The following ADGRB3 variants were observed in gnomAD, a reference collection of about 807,000 sequenced individuals.
ADGRB3 encodes the protein adhesion G protein-coupled receptor B3.
ADGRB3 carries 37 observed loss-of-function variants against 193.4 expected under a neutral mutation model. That is an observed-to-expected ratio of 0.19 (90% CI 0.15 to 0.25). The LOEUF is 0.25. Among genes scored for constraint, ADGRB3 ranks in the 10% least tolerant of loss-of-function variants. The pLI is 1.00. For synonymous variants in ADGRB3, 690 were observed against 644.2 expected (o/e 1.07, Z -1.08); for missense variants, 1,637 against 1,852.9 (o/e 0.88, Z 2.14).
chr6:68,696,156 A>T (rs1012258187), intron 3 of ADGRB3, among the ~76,000 whole-genome samples: 1 of 152,010 alleles, frequency 6.6e-6, no homozygotes, highest in Non-Finnish European at 1.5e-5. Flanking sequence ...ATTAGCCAAG[A>T]TTAACACTTA....
At position 68,965,406 on chromosome 6, in the gene ADGRB3, A is replaced by T. The variant is rs1230192075; in HGVS notation, c.1525+8597A>T. On this transcript the variant is annotated intron_variant, in intron 8 of 31. Transcript: ENST00000370598. ...AAACACAAGAATTCATGAATTGCCA[A>T]CAAGCGAATTTTGAAATGTGGGTTC... 2.0e-5 allele frequency among the ~76,000 whole-genome samples: 3 copies of T among 151,776 alleles called. No individual in the cohort carries two copies. The East Asian group carries it at 5.8e-4, about 29-fold the overall frequency.
chr6:69,309,008 G>A (rs1768123581), intron 20 of ADGRB3, among the ~76,000 whole-genome samples: 1 of 151,626 alleles, frequency 6.6e-6, no homozygotes, highest in African/African-American at 2.4e-5. Context: ...GTTCTGTTAT[G>A]AGAACAAGGA....
intron 3 of ADGRB3, among the ~76,000 whole-genome samples, chr6:68,789,315 G>T (rs1364823110): frequency 2.0e-5 from 3 of 152,128 alleles, no homozygotes; most frequent in Non-Finnish European, 4.4e-5. Context: ...TCCATGTTTA[G>T]TGCTTCCTTC....
intron 3 of ADGRB3, among the ~76,000 whole-genome samples, chr6:68,705,879 G>A (rs1188547596): frequency 6.6e-6 from 1 of 152,148 alleles, no homozygotes; most frequent in Non-Finnish European, 1.5e-5. Flanking sequence ...AAATTACAAA[G>A]AGGAAACATC....
chr6:69,085,817 A>G (rs1198944325), intron 17 of ADGRB3, among the ~76,000 whole-genome samples: 1 of 151,708 alleles, frequency 6.6e-6, no homozygotes, highest in Non-Finnish European at 1.5e-5. Flanking sequence ...TTACTAATAT[A>G]TTTATCTAAT....
At chr6:68,739,645 C>G (rs1403076608) in intron 3 of ADGRB3, among the ~76,000 whole-genome samples, 1 of 151,936 alleles carries the variant, frequency 6.6e-6, no homozygotes, top group Non-Finnish European at 1.5e-5. Flanking sequence ...GTGAGGATAG[C>G]AGGTGTTTAA....
intron 3 of ADGRB3, among the ~76,000 whole-genome samples, chr6:68,719,780 A>G (rs1173333672): frequency 6.6e-6 from 1 of 151,630 alleles, no homozygotes; most frequent in Non-Finnish European, 1.5e-5. Flanking sequence ...TTTGGCATCA[A>G]TTCAAAGAGC....
intron 28 of ADGRB3, among the ~76,000 whole-genome samples, chr6:69,360,264 A>C (rs1162406297): frequency 4.0e-5 from 6 of 151,860 alleles, no homozygotes; most frequent in African/African-American, 1.4e-4. Flanking sequence ...CTTCCATATA[A>C]AACTGAATAT....
At chr6:69,288,482 C>G (rs1236008734) in intron 20 of ADGRB3, among the ~76,000 whole-genome samples, 2 of 152,154 alleles carry the variant, frequency 1.3e-5, no homozygotes, top group Non-Finnish European at 2.9e-5. Flanking sequence ...CAACCCAAAA[C>G]TTGGTTTCTG....
intron 3 of ADGRB3, among the ~76,000 whole-genome samples, chr6:68,654,765 T>A (rs923724332): frequency 6.6e-6 from 1 of 151,944 alleles, no homozygotes; most frequent in Non-Finnish European, 1.5e-5. Flanking sequence ...GGGTGATTTA[T>A]GAGATCATAG....
At chr6:68,677,505 TTTTTTTTC>T (rs1191720112) in intron 3 of ADGRB3, among the ~76,000 whole-genome samples, 4 of 147,194 alleles carry the variant, frequency 2.7e-5, no homozygotes, top group East Asian at 2.0e-4. Context: ...AATTTTTTTC[TTTTTTTTC>T]TTTTTTTCTT....
chr6:68,733,118 T>C (rs889020726), intron 3 of ADGRB3, among the ~76,000 whole-genome samples: 5 of 151,658 alleles, frequency 3.3e-5, no homozygotes, highest in Non-Finnish European at 5.9e-5. Flanking sequence ...ATTCCACTAC[T>C]GTGTATCTAC....
At chr6:68,743,818 A>G (rs1766028490) in intron 3 of ADGRB3, among the ~76,000 whole-genome samples, 1 of 152,098 alleles carries the variant, frequency 6.6e-6, no homozygotes, top group African/African-American at 2.4e-5. Flanking sequence ...TATATTGTTA[A>G]TTTTGTAATT....
chr6:68,688,812 C>T (rs563195931), intron 3 of ADGRB3, among the ~76,000 whole-genome samples: 9 of 152,222 alleles, frequency 5.9e-5, no homozygotes, highest in South Asian at 2.1e-4. Context: ...AAATTTAGAA[C>T]GCACCTTTAA....
chr6:68,674,103 T>G (rs1036619724), intron 3 of ADGRB3, among the ~76,000 whole-genome samples: 1 of 152,164 alleles, frequency 6.6e-6, no homozygotes, highest in African/African-American at 2.4e-5. Context: ...TTTAGAATCA[T>G]AGGATATGAT....
intron 17 of ADGRB3, among the ~76,000 whole-genome samples, chr6:69,169,293 G>A (rs1775211330): frequency 6.6e-6 from 1 of 151,974 alleles, no homozygotes; most frequent in Admixed American, 6.6e-5. Context: ...CATCTAGCAA[G>A]TATAAAGTTC....
chr6:68,881,496 C>T (rs141742275), intron 3 of ADGRB3, among the ~76,000 whole-genome samples: 62 of 152,258 alleles, frequency 4.1e-4, no homozygotes, highest in Admixed American at 7.2e-4. Flanking sequence ...AGTGTACTCA[C>T]GAGTACACGG....
Position 69,079,114 on chromosome 6 carries a change from C to A in ADGRB3, c.2480+3076C>A, listed in dbSNP as rs115149376. On this transcript the variant is annotated intron_variant, in intron 17 of 31. Transcript: ENST00000370598. ...CCATTATAAACAATTAATTTTATTT[C>A]CAAGGGTAATCTATTACCCAGATTA... Among the ~76,000 whole-genome samples the A allele has an allele frequency of 3.5e-3, 531 of 152,092 alleles. 2 individuals are homozygous for A. Among genetic ancestry groups the A allele is most frequent in the African/African-American group, 0.012 (494 of 41,544 alleles).
At chr6:69,016,551 C>T (rs1770098308) in intron 12 of ADGRB3, among the ~76,000 whole-genome samples, 1 of 151,836 alleles carries the variant, frequency 6.6e-6, no homozygotes, top group Non-Finnish European at 1.5e-5. Flanking sequence ...GAAAAAATAA[C>T]CTCCTTATAT....
Sources: allele counts gnomAD v4.1 joint callset (sites outside exome capture counted in the v4.1 genomes callset), GRCh38; gene constraint gnomAD v4.1.1; transcripts MANE v1.5; gene names NCBI Gene and HGNC (gene_info 2026-07-23, HGNC 2026-07-21).